METAP1: variants seen among roughly 807,000 people sequenced by gnomAD.
METAP1 encodes the protein methionyl aminopeptidase 1.
METAP1 carries 28 observed loss-of-function variants against 53.8 expected under a neutral mutation model. That is an observed-to-expected ratio of 0.52 (90% CI 0.39 to 0.71). The LOEUF is 0.71. Ranked by LOEUF, METAP1 falls within the 30% of genes least tolerant of loss-of-function variation. METAP1 has a pLI of 0.00. For synonymous variants in METAP1, 181 were observed against 165.7 expected (o/e 1.09, Z -0.71); for missense variants, 389 against 479.8 (o/e 0.81, Z 1.77).
chr4:99,058,881 G>C (rs563279706), intron 10 of METAP1, among the ~76,000 whole-genome samples: 1 of 152,286 alleles, frequency 6.6e-6, no homozygotes, highest in East Asian at 1.9e-4. Flanking sequence ...CCAACACCCA[G>C]GGCTGCTAGA....
intron 1 of METAP1, among the ~76,000 whole-genome samples, chr4:99,012,652 G>GTTTTT (rs78437310): frequency 3.3e-5 from 3 of 90,362 alleles, no homozygotes; most frequent in Admixed American, 1.4e-4. Flanking sequence ...ATCCCATAAA[G>GTTTTT]TTTTTTTTTT....
At position 99,031,124 on chromosome 4, in the gene METAP1, T is replaced by TA. The variant is rs1553943877; in HGVS notation, c.166+2207dup. ...TAGTTTTTTTTTTTTTTTTTTTTTT[T>TA]ACTTGTCATATAGTAAAGAAGACCA... On this transcript the variant is annotated intron_variant, in intron 2 of 10. Coordinates refer to ENST00000296411, the MANE Select transcript of METAP1 (RefSeq NM_015143.3). Among the ~76,000 whole-genome samples, 224 of 147,740 alleles carry TA rather than the reference T, an allele frequency of 1.5e-3. 4 individuals carry two copies. Among genetic ancestry groups the TA allele is most frequent in the African/African-American group, 4.9e-3 (199 of 40,208 alleles).
At chr4:99,060,397 T>C (rs187442086) in intron 10 of METAP1, among the ~76,000 whole-genome samples, 1 of 132,734 alleles carries the variant, frequency 7.5e-6, no homozygotes, top group Non-Finnish European at 1.6e-5. Flanking sequence ...GGAGTCTTGG[T>C]CTGTCGCCCA....
At chr4:99,049,950 C>T (rs920179682) in intron 9 of METAP1, among the ~76,000 whole-genome samples, 2 of 152,166 alleles carry the variant, frequency 1.3e-5, no homozygotes, top group African/African-American at 4.8e-5. Context: ...TTTAAAGCAA[C>T]TCTGTGCTTA....
At chr4:99,028,795 A>G in intron 1 of METAP1, 72 bp from the exon 2 acceptor site, 3 of 1,098,394 alleles carry the variant, frequency 2.7e-6, no homozygotes, top group Non-Finnish European at 2.6e-6. Context: ...ACTCTTGCTT[A>G]TATACAATAT....
chr4:99,030,394 T>G (rs1724922865), intron 2 of METAP1, among the ~76,000 whole-genome samples: 1 of 152,216 alleles, frequency 6.6e-6, no homozygotes, highest in Non-Finnish European at 1.5e-5. Flanking sequence ...GCATTTTTAC[T>G]TACACCTCTA....
intron 7 of METAP1, among the ~76,000 whole-genome samples, chr4:99,043,737 A>G (rs994876417): frequency 2.6e-5 from 4 of 152,160 alleles, no homozygotes; most frequent in East Asian, 3.9e-4. Flanking sequence ...TTTGTTATAG[A>G]TACAGGAAAA....
intron 4 of METAP1, among the ~76,000 whole-genome samples, chr4:99,038,978 G>C (rs938223235): frequency 2.0e-5 from 3 of 152,142 alleles, no homozygotes; most frequent in Non-Finnish European, 4.4e-5. Flanking sequence ...TCAGAAAATA[G>C]TGTAATTAAT....
At chr4:99,060,035 G>T (rs62325213) in intron 10 of METAP1, among the ~76,000 whole-genome samples, 3,290 of 152,276 alleles carry the variant, frequency 0.022, 46 homozygotes, top group Non-Finnish European at 0.034. Flanking sequence ...TATATGCTGA[G>T]TATAGTTTTG....
chr4:99,020,824 A>G (rs533516092), intron 1 of METAP1, among the ~76,000 whole-genome samples: 34 of 152,242 alleles, frequency 2.2e-4, no homozygotes, highest in Admixed American at 6.5e-5. Flanking sequence ...CACAGAAAGC[A>G]ACAATACTTG....
intron 1 of METAP1, among the ~76,000 whole-genome samples, chr4:99,007,820 C>T (rs1723253477): frequency 6.6e-6 from 1 of 152,192 alleles, no homozygotes; most frequent in South Asian, 2.1e-4. Context: ...CTGATTGCTT[C>T]CTAGCTCTCT....
At position 98,995,746 on chromosome 4, in the gene METAP1, C is replaced by T. The variant is rs1168641124; in HGVS notation, c.-8C>T. On this transcript the variant is annotated 5_prime_UTR_variant, in exon 1 of 11. Coordinates refer to ENST00000296411, the MANE Select transcript of METAP1 (RefSeq NM_015143.3). ...CTCGGTGAGGCGCTCTTCCAGCGGG[C>T]AGGCAGCATGGCGGCCGTGGAGACG... The T allele has an allele frequency of 2.6e-6, 4 of 1,544,054 alleles. No homozygotes were observed. Among genetic ancestry groups the T allele is most frequent in the Non-Finnish European group, 3.5e-6 (4 of 1,143,062 alleles).
At chr4:99,018,598 T>A (rs1723913552) in intron 1 of METAP1, among the ~76,000 whole-genome samples, 1 of 152,206 alleles carries the variant, frequency 6.6e-6, no homozygotes, top group Non-Finnish European at 1.5e-5. Context: ...TTAAGTCTAT[T>A]ACAGTAAACC....
chr4:99,031,969 A>C (rs985657862), intron 2 of METAP1, among the ~76,000 whole-genome samples: 1 of 152,230 alleles, frequency 6.6e-6, no homozygotes, highest in African/African-American at 2.4e-5. Context: ...CTTTTCAAAA[A>C]GACTAGTTAT....
At chr4:99,029,998 T>G (rs149641340) in intron 2 of METAP1, among the ~76,000 whole-genome samples, 4 of 152,292 alleles carry the variant, frequency 2.6e-5, no homozygotes, top group Admixed American at 6.5e-5. Flanking sequence ...ATAGGACTTG[T>G]TGATTTGTTA....
intron 1 of METAP1, among the ~76,000 whole-genome samples, chr4:99,015,979 C>T (rs1302432813): frequency 6.6e-6 from 1 of 152,174 alleles, no homozygotes; most frequent in Non-Finnish European, 1.5e-5. Context: ...GGGTCCACCC[C>T]TTCTCGGCAG....
intron 1 of METAP1, among the ~76,000 whole-genome samples, chr4:99,024,256 C>G (rs1024668566): frequency 3.3e-5 from 5 of 152,160 alleles, no homozygotes; most frequent in Admixed American, 3.3e-4. Flanking sequence ...ACGCGGACCC[C>G]CTTAGAGTTG....
chr4:99,009,377 A>G (rs1230160), intron 1 of METAP1, among the ~76,000 whole-genome samples: 26,247 of 152,158 alleles, frequency 0.17, 3,535 homozygotes, highest in East Asian at 0.8. Flanking sequence ...TTTTGGATCT[A>G]TACTCAGAAG....
intron 9 of METAP1, among the ~76,000 whole-genome samples, chr4:99,053,202 T>C (rs901204447): frequency 6.6e-6 from 1 of 152,216 alleles, no homozygotes; most frequent in Non-Finnish European, 1.5e-5. Flanking sequence ...CTTCCTCTCA[T>C]GCATCACACA....
Sources: allele counts gnomAD v4.1 joint callset (sites outside exome capture counted in the v4.1 genomes callset), GRCh38; gene constraint gnomAD v4.1.1; transcripts MANE v1.5; gene names NCBI Gene and HGNC (gene_info 2026-07-23, HGNC 2026-07-21).